The following RNF111 variants were observed in gnomAD, a reference collection of about 807,000 sequenced individuals.
RNF111 encodes ring finger protein 111.
In RNF111, 17 loss-of-function variants were observed where a neutral mutation model predicts 95.1. The ratio of observed to expected loss-of-function variants is 0.18; its 90% CI spans 0.12 to 0.27. The LOEUF (loss-of-function observed/expected upper bound fraction) is 0.27. Among genes scored for constraint, RNF111 ranks in the 10% least tolerant of loss-of-function variants. RNF111 has a pLI of 1.00. For missense variants in RNF111, 1,189 were observed against 1,210.4 expected, an observed-to-expected ratio of 0.98 and a Z score of 0.26; for synonymous variants, 440 against 414.8, an observed-to-expected ratio of 1.06 and a Z score of -0.74.
intron 8 of RNF111, among the ~76,000 whole-genome samples, chr15:59,083,109 A>G (rs2078795201): frequency 6.6e-6 from 1 of 151,770 alleles, no homozygotes; most frequent in Non-Finnish European, 1.5e-5. Context: ...TGATTGTGCC[A>G]CTGCACTTGA....
chr15:59,085,613 A>G, intron 9 of RNF111, 46 bp from the exon 10 acceptor site: 5 of 1,541,374 alleles, frequency 3.2e-6, no homozygotes, highest in African/African-American at 1.4e-5. Flanking sequence ...CTGTTGATAA[A>G]AAAGAGACCC....
chr15:59,015,554 T>C (rs1447914308), intron 1 of RNF111, among the ~76,000 whole-genome samples: 1 of 151,896 alleles, frequency 6.6e-6, no homozygotes, highest in Non-Finnish European at 1.5e-5. Flanking sequence ...AAAGTCTTCC[T>C]AAAACTAGGT....
intron 1 of RNF111, among the ~76,000 whole-genome samples, chr15:58,995,815 C>G (rs2039046273): frequency 7.2e-6 from 1 of 139,724 alleles, no homozygotes; most frequent in Admixed American, 7.7e-5. Context: ...TCTGGCACAG[C>G]AAGATGTTGC....
In RNF111 at chr15:59,031,583, G is replaced by A. The variant is rs145842619; in HGVS notation, c.761G>A (p.Ser254Asn). The A allele has an allele frequency of 3.7e-4, 600 of 1,614,072 alleles. No homozygotes were observed. The highest frequency in any genetic ancestry group is 4.9e-4 in the Non-Finnish European group (581 of 1,180,030). The change falls in exon 2 of 14, where the codon AGT becomes AAT. Residue 254 changes from serine (S) to asparagine (N), a missense_variant. Physicochemically the swap from Ser to Asn is conservative, Grantham distance 46 (BLOSUM62 1). This residue lies in a region of RNF111 where 1,024 missense variants were observed against 925.9 expected (regional missense o/e 1.11). Transcript: ENST00000348370. The part of the protein sequence containing the change: ...RRKYALLPSS[S>N]SSSENDLSSE... ...AAATATGCCTTGCTACCTAGTTCTA[G>A]TAGTTCCAGTGAGAATGACCTCAGC...
At chr15:59,017,974 G>T (rs906151835) in intron 1 of RNF111, among the ~76,000 whole-genome samples, 2 of 151,932 alleles carry the variant, frequency 1.3e-5, no homozygotes, top group Admixed American at 6.6e-5. Context: ...GGCCAGGCTG[G>T]TCTCGAACTC....
chr15:59,061,874 A>C (rs1410510256), intron 5 of RNF111, among the ~76,000 whole-genome samples: 1 of 152,090 alleles, frequency 6.6e-6, no homozygotes, highest in Non-Finnish European at 1.5e-5. Context: ...ATGAATAAAC[A>C]TGATCTTTTA....
chr15:59,031,581 T>G lies in RNF111; in HGVS notation c.759T>G (p.Ser253=). Residue 253 remains serine, a synonymous_variant, in exon 2 of 14, where the codon TCT becomes TCG. Coordinates refer to ENST00000348370, the MANE Select transcript of RNF111 (RefSeq NM_017610.8). ...GAAAATATGCCTTGCTACCTAGTTC[T>G]AGTAGTTCCAGTGAGAATGACCTCA... ...ARRKYALLPS[S]SSSSENDLSS... 6.2e-7 allele frequency: 1 copy of G among 1,614,222 alleles called. No homozygotes were observed. The highest frequency in any genetic ancestry group is 1.3e-5 in the African/African-American group (1 of 75,052).
intron 1 of RNF111, among the ~76,000 whole-genome samples, chr15:59,018,360 C>G (rs2141622033): frequency 6.6e-6 from 1 of 152,222 alleles, no homozygotes; most frequent in East Asian, 1.9e-4. Context: ...TTTCTGGTCA[C>G]TTAAGAAATT....
chr15:59,013,337 T>C (rs1221065431), intron 1 of RNF111, among the ~76,000 whole-genome samples: 4 of 152,234 alleles, frequency 2.6e-5, no homozygotes, highest in Admixed American at 2.0e-4. Flanking sequence ...GATACATCAC[T>C]GTTAAATAAA....
At chr15:59,048,510 T>G (rs1486200661) in intron 2 of RNF111, among the ~76,000 whole-genome samples, 2 of 152,218 alleles carry the variant, frequency 1.3e-5, no homozygotes, top group Admixed American at 6.5e-5. Context: ...ATTGGAAATG[T>G]TCTTAAACTG....
At chr15:59,012,249 C>T (rs1255123860) in intron 1 of RNF111, among the ~76,000 whole-genome samples, 1 of 151,950 alleles carries the variant, frequency 6.6e-6, no homozygotes, top group African/African-American at 2.4e-5. Flanking sequence ...GAACTTCTGA[C>T]CTCAGGTGGT....
intron 1 of RNF111, among the ~76,000 whole-genome samples, chr15:59,028,066 A>G (rs189748460): frequency 1.1e-3 from 172 of 152,184 alleles, no homozygotes; most frequent in African/African-American, 3.9e-3. Flanking sequence ...ACCTCAGGTG[A>G]TCTGCCCGCC....
chr15:59,023,942 T>C (rs2040471467), intron 1 of RNF111, among the ~76,000 whole-genome samples: 1 of 152,202 alleles, frequency 6.6e-6, no homozygotes, highest in Non-Finnish European at 1.5e-5. Context: ...GCAACCACTT[T>C]CCTATTTAAT....
chr15:59,078,639 A>T (rs2078641146), intron 7 of RNF111, among the ~76,000 whole-genome samples: 1 of 151,562 alleles, frequency 6.6e-6, no homozygotes, highest in Non-Finnish European at 1.5e-5. Flanking sequence ...CGGGTGGATC[A>T]CCTGAGGTCA....
At chr15:59,056,877 A>G (rs1489085791) in intron 4 of RNF111, among the ~76,000 whole-genome samples, 1 of 152,192 alleles carries the variant, frequency 6.6e-6, no homozygotes, top group Non-Finnish European at 1.5e-5. Context: ...CCTGCTAGCC[A>G]GTAAGTAGGA....
intron 1 of RNF111, among the ~76,000 whole-genome samples, chr15:59,002,670 G>T (rs1298391989): frequency 6.6e-6 from 1 of 152,060 alleles, no homozygotes; most frequent in Non-Finnish European, 1.5e-5. Flanking sequence ...GTTCCCTATA[G>T]TTCTTAGTAA....
rs146644404 is a variant in RNF111 at position 59,085,737 on chromosome 15, C to G, written c.2502C>G (p.His834Gln). The change falls in exon 10 of 14, where the codon CAC (histidine) becomes CAG (glutamine). Residue 834 changes from histidine (H) to glutamine (Q), a missense_variant. Transcript: ENST00000348370. ...TGCATCCTCACTTGGCCCATTATCA[C>G]GCACCTCCTCGACTTCATCACTTAC... Reference protein sequence around the residue: ...GALHPHLAHYHAPPRLHHLQL... With the variant: ...GALHPHLAHYQAPPRLHHLQL... 2 of 1,613,512 alleles carry G rather than the reference C, an allele frequency of 1.2e-6. No individual in the cohort carries two copies. Among genetic ancestry groups the G allele is most frequent in the South Asian group, 1.1e-5 (1 of 91,064 alleles).
intron 1 of RNF111, among the ~76,000 whole-genome samples, chr15:59,024,693 G>A (rs556302140): frequency 1.6e-4 from 24 of 152,142 alleles, no homozygotes; most frequent in Non-Finnish European, 3.1e-4. Context: ...TTAAATGTAC[G>A]TAACATAAAA....
At chr15:59,066,095 G>A (rs2042642630) in intron 5 of RNF111, among the ~76,000 whole-genome samples, 1 of 152,144 alleles carries the variant, frequency 6.6e-6, no homozygotes, top group African/African-American at 2.4e-5. Flanking sequence ...GAGCTCAGGG[G>A]AAGAGCATTT....
Sources: gnomAD v4.1 joint callset for allele counts (sites outside exome capture counted in the v4.1 genomes callset) on GRCh38, gnomAD v4.1.1 for gene constraint, gnomAD v4.1.1 regional missense constraint, MANE v1.5 for transcripts, NCBI Gene and HGNC (gene_info 2026-07-23, HGNC 2026-07-21) for gene names.